Variants in AKT3 observed in about 807,000 individuals in gnomAD.
AKT3 encodes the protein AKT serine/threonine kinase 3.
AKT3 carries 15 observed loss-of-function variants against 65.3 expected under a neutral mutation model. The ratio of observed to expected loss-of-function variants is 0.23; its 90% CI spans 0.15 to 0.35. AKT3 has a LOEUF of 0.35. AKT3 is among the 10% of genes least tolerant of loss of function. The pLI is 1.00. For missense variants in AKT3, 243 were observed against 576.5 expected (o/e 0.42, Z 5.92); for synonymous variants, 206 against 183.8 (o/e 1.12, Z -0.98).
chr1:243,554,894 A>AT (rs965475161), intron 10 of AKT3, among the ~76,000 whole-genome samples: 3 of 151,814 alleles, frequency 2.0e-5, no homozygotes, highest in Admixed American at 1.3e-4. Flanking sequence ...GCAATCCTTT[A>AT]TTTTTTTTAA....
intron 2 of AKT3, among the ~76,000 whole-genome samples, chr1:243,734,393 G>A (rs929169105): frequency 6.6e-6 from 1 of 152,176 alleles, no homozygotes; most frequent in Non-Finnish European, 1.5e-5. Context: ...GCATCATTAG[G>A]CAATTTCCTC....
intron 3 of AKT3, among the ~76,000 whole-genome samples, chr1:243,689,914 C>T (rs1219271334): frequency 6.6e-6 from 1 of 151,840 alleles, no homozygotes; most frequent in Admixed American, 6.6e-5. Flanking sequence ...CACTGTACTC[C>T]AGCCTGGGTG....
intron 2 of AKT3, among the ~76,000 whole-genome samples, chr1:243,786,681 CG>C (rs902654927): frequency 1.3e-5 from 2 of 151,486 alleles, no homozygotes; most frequent in Admixed American, 1.3e-4. Context: ...ATTAAAAGCA[CG>C]GGGTGGGGGG....
chr1:243,728,011 A>C (rs1193634922), intron 2 of AKT3, among the ~76,000 whole-genome samples: 2 of 152,216 alleles, frequency 1.3e-5, no homozygotes, highest in Non-Finnish European at 2.9e-5. Context: ...GTCCTATGAC[A>C]TTAATAGTTT....
chr1:243,677,815 G>A lies in AKT3; in HGVS notation c.173-12932C>T, dbSNP rs1257888384. Among the ~76,000 whole-genome samples the A allele has an allele frequency of 6.6e-5, 10 of 152,060 alleles. No homozygotes were observed. In the South Asian group the frequency reaches 8.3e-4, roughly 13 times the overall value. Reference sequence around the variant, plus strand: ...AAAATCAACTATAGAGGGTAGGTGCGGTGGCTCATGCCTGTAATCCCAGCA... The same window carrying A: ...AAAATCAACTATAGAGGGTAGGTGCAGTGGCTCATGCCTGTAATCCCAGCA... On this transcript the variant is annotated intron_variant, in intron 3 of 13. Transcript: ENST00000673466.
At chr1:243,586,423 T>C (rs1675810043) in intron 8 of AKT3, among the ~76,000 whole-genome samples, 1 of 152,198 alleles carries the variant, frequency 6.6e-6, no homozygotes, top group South Asian at 2.1e-4. Flanking sequence ...CAAATTGTTC[T>C]ATAAAGTAGA....
intron 2 of AKT3, among the ~76,000 whole-genome samples, chr1:243,761,399 T>C (rs926540103): frequency 6.6e-6 from 1 of 152,124 alleles, no homozygotes; most frequent in Non-Finnish European, 1.5e-5. Flanking sequence ...AAATAAACCC[T>C]GACCTAGAAC....
chr1:243,663,653 C>G (rs1682555937), intron 4 of AKT3, among the ~76,000 whole-genome samples: 1 of 152,118 alleles, frequency 6.6e-6, no homozygotes, highest in African/African-American at 2.4e-5. Flanking sequence ...CTCTACTGAT[C>G]AAAAGTGTTA....
At chr1:243,802,359 C>A (rs570010795) in intron 2 of AKT3, among the ~76,000 whole-genome samples, 1 of 152,216 alleles carries the variant, frequency 6.6e-6, no homozygotes, top group South Asian at 2.1e-4. Flanking sequence ...AATAGCTATA[C>A]ATTTATAATT....
chr1:243,489,372 G>C (rs556468991), intron 13 of AKT3, among the ~76,000 whole-genome samples: 3 of 152,224 alleles, frequency 2.0e-5, no homozygotes, highest in Non-Finnish European at 4.4e-5. Context: ...CCCGGCCCGC[G>C]AATCAACGAA....
chr1:243,678,650 A>G (rs1683698515), intron 3 of AKT3, among the ~76,000 whole-genome samples: 1 of 152,216 alleles, frequency 6.6e-6, no homozygotes, highest in African/African-American at 2.4e-5. Flanking sequence ...AAATTTTTTA[A>G]AAAGGAAGCT....
chr1:243,738,204 G>A (rs954266784), intron 2 of AKT3, among the ~76,000 whole-genome samples: 11 of 152,146 alleles, frequency 7.2e-5, no homozygotes, highest in Non-Finnish European at 1.3e-4. Context: ...CTTTGCCAGG[G>A]TGGCTTTGTC....
chr1:243,745,491 A>G (rs1282286940), intron 2 of AKT3, among the ~76,000 whole-genome samples: 1 of 152,178 alleles, frequency 6.6e-6, no homozygotes, highest in African/African-American at 2.4e-5. Flanking sequence ...CAAAAACAGG[A>G]AAAGTGATTT....
intron 2 of AKT3, among the ~76,000 whole-genome samples, chr1:243,727,918 T>C (rs1225885250): frequency 6.6e-6 from 1 of 152,200 alleles, no homozygotes; most frequent in African/African-American, 2.4e-5. Context: ...TTTATAAGAA[T>C]TGACCTGACT....
chr1:243,633,872 C>G (rs1222697758), intron 6 of AKT3, among the ~76,000 whole-genome samples: 1 of 152,030 alleles, frequency 6.6e-6, no homozygotes, highest in African/African-American at 2.4e-5. Flanking sequence ...AAGAATGATC[C>G]AATTCCATGC....
chr1:243,577,842 G>GA lies in AKT3; in HGVS notation c.697-4795dup, dbSNP rs201796165. On this transcript the variant is annotated intron_variant, in intron 8 of 13. Transcript: ENST00000673466. ...ACAAGGAACTTAAACAAATTTACAA[G>GA]AAAAAAAAATCCCCATTCAAAAGTG... 5.4e-3 allele frequency among the ~76,000 whole-genome samples: 812 copies of GA among 150,684 alleles called. 9 individuals are homozygous for GA. The highest frequency in any genetic ancestry group is 0.018 in the African/African-American group (750 of 41,076).
chr1:243,849,509 A>G (rs1695665516), intron 1 of AKT3, among the ~76,000 whole-genome samples: 1 of 149,540 alleles, frequency 6.7e-6, no homozygotes, highest in Admixed American at 6.6e-5. Flanking sequence ...CCACGCGCAG[A>G]CAGCCTCAGC....
rs1211943124 is a variant in AKT3 at position 243,798,410 on chromosome 1, T to TTG, written c.46+44714_46+44715insCA. Among the ~76,000 whole-genome samples, 94 of 135,468 alleles carry TTG rather than the reference T, an allele frequency of 6.9e-4. 3 individuals are homozygous for TTG. In the South Asian group the frequency reaches 0.023, roughly 34 times the overall value. The allele number at this position is 135,468 out of a possible 152,430, so 88.9% of individuals were successfully genotyped here. A position where few individuals can be genotyped will look rare whatever the true frequency, so the allele number is the denominator to read the frequency against. ...AATTTTTAATTTTTTTTTTTTTTTT[T>TTG]TTTTTTTGTTTTGTAGAGATGTGGT... On this transcript the variant is annotated intron_variant, in intron 2 of 13. Transcript: ENST00000673466.
intron 2 of AKT3, among the ~76,000 whole-genome samples, chr1:243,708,771 T>C (rs953058283): frequency 6.6e-6 from 1 of 152,022 alleles, no homozygotes; most frequent in Non-Finnish European, 1.5e-5. Context: ...GACATCTAAA[T>C]ATACAATCTT....
Sources: gnomAD v4.1 joint callset for allele counts (sites outside exome capture counted in the v4.1 genomes callset) on GRCh38, gnomAD v4.1.1 for gene constraint, MANE v1.5 for transcripts, NCBI Gene and HGNC (gene_info 2026-07-23, HGNC 2026-07-21) for gene names.